The following TBC1D32 variants were observed in gnomAD, a reference collection of about 807,000 sequenced individuals.
TBC1D32 encodes TBC1 domain family member 32.
In TBC1D32, 151 loss-of-function variants were observed where a neutral mutation model predicts 170.3. The ratio of observed to expected loss-of-function variants is 0.89; its 90% CI spans 0.78 to 1.01. The LOEUF (loss-of-function observed/expected upper bound fraction) is 1.01, where lower values mean the gene tolerates loss of function less well. Among genes scored for constraint, TBC1D32 ranks in the 50% least tolerant of loss-of-function variants. The pLI is 0.00. For synonymous variants in TBC1D32, 498 were observed against 488.0 expected, an observed-to-expected ratio of 1.02 and a Z score of -0.27; for missense variants, 1,464 against 1,457.1, an observed-to-expected ratio of 1.00 and a Z score of -0.08.
chr6:121,127,920 T>A (rs940791510), intron 25 of TBC1D32, among the ~76,000 whole-genome samples: 2 of 152,190 alleles, frequency 1.3e-5, no homozygotes, highest in African/African-American at 4.8e-5. Flanking sequence ...AGACAAAGCA[T>A]ATTGCTAAGC....
At chr6:121,115,524 A>G (rs2128201098) in intron 26 of TBC1D32, 1 of 235,600 alleles carries the variant, frequency 4.2e-6, no homozygotes, top group South Asian at 1.5e-4. Flanking sequence ...CAGAATAAAA[A>G]GAGCCATTGA....
At chr6:121,099,388 A>G (rs1339764360) in intron 30 of TBC1D32, among the ~76,000 whole-genome samples, 1 of 151,980 alleles carries the variant, frequency 6.6e-6, no homozygotes, top group Non-Finnish European at 1.5e-5. Flanking sequence ...TTTTCTTTCC[A>G]AACTTAGTAA....
intron 1 of TBC1D32, among the ~76,000 whole-genome samples, chr6:121,326,314 T>C (rs7743455): frequency 0.08 from 12,240 of 152,108 alleles, 841 homozygotes; most frequent in African/African-American, 0.18. Context: ...AGGATGACCA[T>C]AGTAACAATA....
intron 22 of TBC1D32, among the ~76,000 whole-genome samples, chr6:121,190,747 A>G (rs1336704248): frequency 1.3e-5 from 2 of 152,286 alleles, no homozygotes; most frequent in Admixed American, 1.3e-4. Flanking sequence ...TTAAAATATT[A>G]TCACATCATT....
At chr6:121,216,037 A>T (rs530266801) in intron 21 of TBC1D32, among the ~76,000 whole-genome samples, 54 of 152,358 alleles carry the variant, frequency 3.5e-4, no homozygotes, top group African/African-American at 1.3e-3. Context: ...AACTTGTTGA[A>T]TTGAAGGATG....
chr6:121,146,251 T>C (rs1266576981), intron 24 of TBC1D32, among the ~76,000 whole-genome samples: 1 of 152,160 alleles, frequency 6.6e-6, no homozygotes, highest in Non-Finnish European at 1.5e-5. Context: ...TGGCCAGTAG[T>C]CTGGAGATCC....
intron 20 of TBC1D32, among the ~76,000 whole-genome samples, chr6:121,223,557 G>T (rs1256848350): frequency 6.6e-6 from 1 of 152,118 alleles, no homozygotes; most frequent in Non-Finnish European, 1.5e-5. Context: ...AATGCATGAT[G>T]TAACAACCAT....
At chr6:121,244,088 G>A (rs1797316136) in intron 17 of TBC1D32, among the ~76,000 whole-genome samples, 1 of 151,622 alleles carries the variant, frequency 6.6e-6, no homozygotes, top group African/African-American at 2.4e-5. Context: ...TGGTCAAGAA[G>A]GGGAGAAAAG....
At chr6:121,222,006 C>A (rs191048331) in intron 21 of TBC1D32, among the ~76,000 whole-genome samples, 42 of 152,226 alleles carry the variant, frequency 2.8e-4, no homozygotes, top group Admixed American at 1.9e-3. Flanking sequence ...GTGAACTTCA[C>A]TGTTCTCTTA....
Position 121,119,512 on chromosome 6 carries a change from T to G in TBC1D32, c.2984-4271A>C, listed in dbSNP as rs544328020. Among the ~76,000 whole-genome samples the G allele has an allele frequency of 6.6e-5, 10 of 152,192 alleles. No individual in the cohort carries two copies. The South Asian group carries it at 2.1e-3, about 32-fold the overall frequency. On this transcript the variant is annotated intron_variant, in intron 26 of 31. Transcript: ENST00000398212. Reference sequence around the variant, plus strand: ...AAATGTTGATTTTTTTTCTAACATTTTGATTAACTAGCATTACGAAGAGAA... The same window carrying G: ...AAATGTTGATTTTTTTTCTAACATTGTGATTAACTAGCATTACGAAGAGAA...
intron 15 of TBC1D32, among the ~76,000 whole-genome samples, chr6:121,258,996 A>G (rs980258016): frequency 6.6e-6 from 1 of 151,910 alleles, no homozygotes; most frequent in Non-Finnish European, 1.5e-5. Flanking sequence ...AAAAAGAAAG[A>G]AAGAGAAGAA....
intron 20 of TBC1D32, among the ~76,000 whole-genome samples, chr6:121,233,669 C>G (rs1796006425): frequency 6.6e-6 from 1 of 152,112 alleles, no homozygotes; most frequent in Admixed American, 6.6e-5. Flanking sequence ...TTCTGCCATT[C>G]TGTATCTTTT....
intron 4 of TBC1D32, among the ~76,000 whole-genome samples, chr6:121,309,998 G>A (rs1392403210): frequency 1.3e-5 from 2 of 152,044 alleles, no homozygotes; most frequent in Admixed American, 6.6e-5. Context: ...TTGCGCCACT[G>A]TGCTTCAGCC....
intron 17 of TBC1D32, among the ~76,000 whole-genome samples, chr6:121,251,541 T>A (rs150725247): frequency 6.6e-6 from 1 of 152,060 alleles, no homozygotes; most frequent in Admixed American, 6.6e-5. Context: ...TTACACCTTA[T>A]ACAAAAATTA....
chr6:121,161,188 T>C (rs775186693), intron 22 of TBC1D32, 132 bp from the exon 23 acceptor site: 32 of 709,434 alleles, frequency 4.5e-5, no homozygotes, highest in Non-Finnish European at 6.8e-5. Flanking sequence ...TTACTGCATT[T>C]AGCATTTATA....
intron 12 of TBC1D32, among the ~76,000 whole-genome samples, chr6:121,284,385 T>C (rs1400041938): frequency 6.6e-6 from 1 of 152,276 alleles, no homozygotes; most frequent in African/African-American, 2.4e-5. Flanking sequence ...AAGTCTGCCA[T>C]GGTAGCACTA....
intron 21 of TBC1D32, among the ~76,000 whole-genome samples, chr6:121,210,672 G>A (rs144738733): frequency 4.4e-4 from 67 of 152,242 alleles, no homozygotes; most frequent in African/African-American, 1.5e-3. Context: ...TTAAAGATAG[G>A]AGATTATGGG....
intron 30 of TBC1D32, among the ~76,000 whole-genome samples, chr6:121,094,522 G>A (rs1230131059): frequency 6.6e-6 from 1 of 151,962 alleles, no homozygotes; most frequent in Non-Finnish European, 1.5e-5. Context: ...AATTCTAATA[G>A]GACAGAAGAA....
At chr6:121,097,230 A>C (rs538959325) in intron 30 of TBC1D32, among the ~76,000 whole-genome samples, 21 of 152,198 alleles carry the variant, frequency 1.4e-4, no homozygotes, top group South Asian at 4.1e-4. Context: ...TTCTGCACAG[A>C]AAAAGAAAAT....
Sources: gnomAD v4.1 joint callset for allele counts (sites outside exome capture counted in the v4.1 genomes callset) on GRCh38, gnomAD v4.1.1 for gene constraint, MANE v1.5 for transcripts, NCBI Gene and HGNC (gene_info 2026-07-23, HGNC 2026-07-21) for gene names.